XRCC5: variants seen among roughly 807,000 people sequenced by gnomAD.
The protein encoded by XRCC5 is X-ray repair cross complementing 5.
Under a neutral mutation model 95.7 loss-of-function variants are expected in XRCC5, and 12 were observed. That is an observed-to-expected ratio of 0.13 (90% CI 0.08 to 0.20). The LOEUF is 0.20. Ranked by LOEUF, XRCC5 falls within the 10% of genes least tolerant of loss-of-function variation. XRCC5 has a pLI of 1.00. For synonymous variants in XRCC5, 281 were observed against 290.3 expected (o/e 0.97, Z 0.33); for missense variants, 595 against 873.9 (o/e 0.68, Z 4.02).
At chr2:216,159,610 C>T (rs929852465) in intron 14 of XRCC5, among the ~76,000 whole-genome samples, 2 of 152,032 alleles carry the variant, frequency 1.3e-5, no homozygotes, top group Admixed American at 6.6e-5. Context: ...CTCTAACATA[C>T]ATGATAGAGA....
At position 216,117,693 on chromosome 2, in the gene XRCC5, C is replaced by T. The variant is rs887113249; in HGVS notation, c.320-53C>T. On this transcript the variant is annotated intron_variant, in intron 3 of 20. Transcript: ENST00000392132. ...CGGTGGACTTCATTGGAAAGAGTTG[C>T]GTGTTCACATGAAGAGACTGTTTGG... The T allele has an allele frequency of 4.6e-5, 73 of 1,574,126 alleles. No individual in the cohort carries two copies. In the Middle Eastern group the frequency reaches 6.7e-4, roughly 14 times the overall value.
intron 16 of XRCC5, among the ~76,000 whole-genome samples, chr2:216,164,441 G>A (rs896742011): frequency 1.3e-5 from 2 of 152,218 alleles, no homozygotes; most frequent in Admixed American, 1.3e-4. Flanking sequence ...TAGCAGTTCT[G>A]CAAAATCTTG....
chr2:216,129,042 C>A (rs947084362), intron 8 of XRCC5, among the ~76,000 whole-genome samples: 1 of 152,146 alleles, frequency 6.6e-6, no homozygotes, highest in Non-Finnish European at 1.5e-5. Flanking sequence ...GAGCCACTTA[C>A]AGTTTTGAGG....
At chr2:216,178,221 G>A (rs575833941) in intron 16 of XRCC5, among the ~76,000 whole-genome samples, 2 of 152,132 alleles carry the variant, frequency 1.3e-5, no homozygotes, top group Non-Finnish European at 2.9e-5. Context: ...TAACTGTTTC[G>A]AGATGATTTA....
rs1243839473 is a variant in XRCC5 at position 216,156,305 on chromosome 2, G to A, written c.1671-3763G>A. 2.3e-5 allele frequency: 14 copies of A among 601,890 alleles called. No homozygotes were observed. The East Asian group carries it at 2.8e-4, about 12-fold the overall frequency. 37.3% of individuals were successfully genotyped at this position (601,890 alleles called of 1,614,324 possible). A position where few individuals can be genotyped will look rare whatever the true frequency, so the allele number is the denominator to read the frequency against. ...GCAAAGCAGGTTCCAAAGGCAGGAA[G>A]CAGAAGCAATATGATGCTGTGGAGG... On this transcript the variant is annotated intron_variant, in intron 14 of 20. Coordinates refer to ENST00000392132, the MANE Select transcript of XRCC5 (RefSeq NM_021141.4).
chr2:216,138,338 T>C (rs1029543748), intron 12 of XRCC5, among the ~76,000 whole-genome samples, 159 bp downstream of exon 12: 3 of 152,206 alleles, frequency 2.0e-5, no homozygotes, highest in Admixed American at 1.3e-4. Flanking sequence ...GGTGGTTTAC[T>C]TGGTGTTTTT....
chr2:216,125,505 A>AG (rs764595778), intron 6 of XRCC5, among the ~76,000 whole-genome samples: 3 of 152,156 alleles, frequency 2.0e-5, no homozygotes, highest in Non-Finnish European at 2.9e-5. Context: ...CCTGAGCAGA[A>AG]GTTCTTATCC....
At chr2:216,150,515 G>C (rs1688721691) in intron 14 of XRCC5, among the ~76,000 whole-genome samples, 1 of 152,178 alleles carries the variant, frequency 6.6e-6, no homozygotes, top group Non-Finnish European at 1.5e-5. Context: ...TACACATCTA[G>C]GCTATGTGGT....
At chr2:216,187,425 A>G (rs1361175958) in intron 16 of XRCC5, among the ~76,000 whole-genome samples, 1 of 122,768 alleles carries the variant, frequency 8.1e-6, no homozygotes, top group African/African-American at 3.0e-5. Flanking sequence ...TTGGGTATTT[A>G]TTTTTGTTTC....
chr2:216,160,107 G>A lies in XRCC5; in HGVS notation c.1710G>A (p.Glu570=). 6.2e-7 allele frequency: 1 copy of A among 1,607,986 alleles called. No homozygotes were observed. Among genetic ancestry groups the A allele is most frequent in the African/African-American group, 1.3e-5 (1 of 74,592 alleles). The change falls in exon 15 of 21, where the codon GAG becomes GAA. Residue 570 remains glutamate (E), a synonymous_variant. Transcript: ENST00000392132. ...DGPTAKKLKT[E]QGGAHFSVSS... ...CTACAGCTAAAAAATTAAAGACTGA[G>A]CAAGGGGGAGCCCACTTCAGCGTCT...
chr2:216,119,692 G>T (rs558140088), intron 5 of XRCC5, among the ~76,000 whole-genome samples: 1 of 152,222 alleles, frequency 6.6e-6, no homozygotes, highest in Admixed American at 6.5e-5. Context: ...AATTTAATTT[G>T]CTTCTGTTAA....
At chr2:216,158,925 G>A (rs1688896978) in intron 14 of XRCC5, among the ~76,000 whole-genome samples, 1 of 151,864 alleles carries the variant, frequency 6.6e-6, no homozygotes, top group South Asian at 2.1e-4. Context: ...TCATTTTCAA[G>A]CCTCATTGTC....
At chr2:216,137,492 CT>C (rs1252918960) in intron 11 of XRCC5, among the ~76,000 whole-genome samples, 7 of 152,058 alleles carry the variant, frequency 4.6e-5, no homozygotes, top group African/African-American at 1.7e-4. Context: ...TCATAAGAAT[CT>C]TTTTATTAAG....
intron 1 of XRCC5, 50 bp downstream of exon 1, chr2:216,109,507 G>T: frequency 6.2e-7 from 1 of 1,611,258 alleles, no homozygotes; most frequent in South Asian, 1.1e-5. Flanking sequence ...GGGATCCGGA[G>T]AGGGTGGTTC....
intron 14 of XRCC5, among the ~76,000 whole-genome samples, chr2:216,157,025 A>G (rs1394309591): frequency 6.6e-6 from 1 of 152,168 alleles, no homozygotes; most frequent in Non-Finnish European, 1.5e-5. Flanking sequence ...ACAGTTCAGC[A>G]GGGATCAGCC....
At chr2:216,112,076 T>G (rs2105997654) in intron 1 of XRCC5, among the ~76,000 whole-genome samples, 1 of 152,368 alleles carries the variant, frequency 6.6e-6, no homozygotes, top group African/African-American at 2.4e-5. Context: ...ACACTGAAAT[T>G]GTGAGTTGCC....
chr2:216,184,330 ACAG>A (rs2106042373), intron 16 of XRCC5, among the ~76,000 whole-genome samples: 1 of 152,320 alleles, frequency 6.6e-6, no homozygotes, highest in Non-Finnish European at 1.5e-5. Context: ...TTATAGAAAT[ACAG>A]CTTTTATCAA....
At chr2:216,197,532 A>G (rs903339325) in intron 19 of XRCC5, among the ~76,000 whole-genome samples, 1 of 152,014 alleles carries the variant, frequency 6.6e-6, no homozygotes, top group Admixed American at 6.6e-5. Context: ...AGTGGAGAGA[A>G]TCTCTTCTAC....
chr2:216,152,723 TCA>T (rs1216607581), intron 14 of XRCC5, among the ~76,000 whole-genome samples: 5 of 151,244 alleles, frequency 3.3e-5, no homozygotes, highest in African/African-American at 1.2e-4. Flanking sequence ...AGTGGCAGGG[TCA>T]CAGCTCACTG....
Sources: allele counts gnomAD v4.1 joint callset (sites outside exome capture counted in the v4.1 genomes callset), GRCh38; gene constraint gnomAD v4.1.1; transcripts MANE v1.5; gene names NCBI Gene and HGNC (gene_info 2026-07-23, HGNC 2026-07-21).